The following PCDHGA3 variants were observed in gnomAD, a reference collection of about 807,000 sequenced individuals.
The protein encoded by PCDHGA3 is protocadherin gamma-A3.
A neutral mutation model predicts 58.5 loss-of-function variants in PCDHGA3; 40 were observed. That is an observed-to-expected ratio of 0.68 (90% CI 0.53 to 0.89). The LOEUF is 0.89. Ranked by LOEUF, PCDHGA3 falls within the 40% of genes least tolerant of loss-of-function variation. The probability of loss-of-function intolerance (pLI) is 0.00; values close to 1 mark genes in which losing one functional copy is unlikely to be tolerated. For synonymous variants in PCDHGA3, 530 were observed against 525.7 expected (o/e 1.01, Z -0.11); for missense variants, 1,223 against 1,195.9 (o/e 1.02, Z -0.33).
chr5:141,495,818 GTTC>G (rs2099764072), intron 2 of PCDHGA3, among the ~76,000 whole-genome samples: 1 of 151,904 alleles, frequency 6.6e-6, no homozygotes, highest in South Asian at 2.1e-4. Context: ...AGCGCCTTGT[GTTC>G]TTCTATCCCC....
At chr5:141,395,138 C>G (rs147992300) in intron 1 of PCDHGA3, 3 of 1,614,204 alleles carry the variant, frequency 1.9e-6, no homozygotes, top group Non-Finnish European at 2.5e-6. Context: ...AGCCCAACTA[C>G]GCAGACATGC....
chr5:141,431,505 C>T lies in PCDHGA3; in HGVS notation c.2425-63302C>T. 1.2e-6 allele frequency: 2 copies of T among 1,614,018 alleles called. No individual in the cohort carries two copies. The highest frequency in any genetic ancestry group is 1.7e-6 in the Non-Finnish European group (2 of 1,180,028). On this transcript the variant is annotated intron_variant, in intron 1 of 3. Coordinates refer to ENST00000253812, the MANE Select transcript of PCDHGA3 (RefSeq NM_018916.4). This position sits in a 1 kb window ranked among gnomAD's most constrained non-coding sequence, Gnocchi z 4.8. ...GCGTTTGCTCAGCCCGAGTACCGCG[C>T]GAGCGTTCCGGAGAATCTGGCCTTG...
chr5:141,351,052 A>G, intron 1 of PCDHGA3: 2 of 1,614,094 alleles, frequency 1.2e-6, no homozygotes, highest in Non-Finnish European at 1.7e-6. Flanking sequence ...TGATGGCCAC[A>G]GACCAGGATG....
intron 1 of PCDHGA3, chr5:141,404,337 C>CG (rs1376523964): frequency 1.9e-6 from 3 of 1,613,784 alleles, no homozygotes; most frequent in Non-Finnish European, 2.5e-6. Context: ...GTCTACCTCC[C>CG]GGAAAACAAC....
intron 1 of PCDHGA3, chr5:141,408,182 C>G: frequency 6.5e-7 from 1 of 1,537,898 alleles, no homozygotes; most frequent in Non-Finnish European, 8.8e-7. Flanking sequence ...AGCGGGGACC[C>G]AGCGAGAACC....
In PCDHGA3 at chr5:141,366,140, C is replaced by T. The variant is rs564608784; in HGVS notation, c.2424+19683C>T. 1.8e-5 allele frequency: 29 copies of T among 1,614,182 alleles called. No homozygotes were observed. The East Asian group carries it at 5.6e-4, about 31-fold the overall frequency. ...CAAAGATTCAGGCCAGAACGCCTGG[C>T]TGTCCTACCGCCTGCTTAAGGCCAG... On this transcript the variant is annotated intron_variant, in intron 1 of 3. Coordinates refer to ENST00000253812, the MANE Select transcript of PCDHGA3 (RefSeq NM_018916.4).
At chr5:141,362,603 C>T (rs749234036) in intron 1 of PCDHGA3, 1 of 1,572,606 alleles carries the variant, frequency 6.4e-7, no homozygotes, top group South Asian at 1.2e-5. Flanking sequence ...ATTGTTTCAC[C>T]TAATTTGGGT....
At chr5:141,453,321 T>TG (rs2098762672) in intron 1 of PCDHGA3, among the ~76,000 whole-genome samples, 2 of 151,876 alleles carry the variant, frequency 1.3e-5, no homozygotes, top group Admixed American at 6.6e-5. Context: ...ATTTTAGAGA[T>TG]GGGGTCTCAC....
At chr5:141,450,460 TTATA>T (rs1234300844) in intron 1 of PCDHGA3, among the ~76,000 whole-genome samples, 1 of 152,104 alleles carries the variant, frequency 6.6e-6, no homozygotes, top group Non-Finnish European at 1.5e-5. Flanking sequence ...CCTCGTGATT[TTATA>T]TATAGAGTTT....
chr5:141,410,342 C>T (rs772070270), intron 1 of PCDHGA3: 12 of 1,613,946 alleles, frequency 7.4e-6, no homozygotes, highest in Non-Finnish European at 9.3e-6. Flanking sequence ...CATTGCCTTG[C>T]GCCTGCGACG....
rs1271891195 is a variant in PCDHGA3, at chr5:141,477,108, C to A, written c.2425-17699C>A. The A allele has an allele frequency of 2.5e-6, 4 of 1,614,232 alleles. No individual in the cohort carries two copies. Among genetic ancestry groups the A allele is most frequent in the Non-Finnish European group, 2.5e-6 (3 of 1,180,046 alleles). ...CAGGCCAAAGACAAGGGCGCCAATCCCGAAGGAGCACATTGCAAAGTGTTG... is the reference window on the plus strand; with the variant it reads ...CAGGCCAAAGACAAGGGCGCCAATCACGAAGGAGCACATTGCAAAGTGTTG... On this transcript the variant is annotated intron_variant, in intron 1 of 3. Coordinates refer to ENST00000253812, the MANE Select transcript of PCDHGA3 (RefSeq NM_018916.4). The surrounding 1 kb of genome is among the most constrained non-coding windows in gnomAD (Gnocchi z 4.9).
intron 1 of PCDHGA3, among the ~76,000 whole-genome samples, chr5:141,347,284 G>A (rs573152867): frequency 6.6e-6 from 1 of 151,940 alleles, no homozygotes; most frequent in Admixed American, 6.6e-5. Flanking sequence ...CTCCCGAGTA[G>A]CTGGGACTAC....
intron 3 of PCDHGA3, among the ~76,000 whole-genome samples, chr5:141,510,378 C>A (rs919650449): frequency 6.6e-6 from 1 of 151,786 alleles, no homozygotes; most frequent in East Asian, 2.0e-4. Flanking sequence ...TCTACTCGTG[C>A]CAGGCCTTGC....
intron 1 of PCDHGA3, chr5:141,422,001 C>T (rs2096616874): frequency 6.2e-7 from 1 of 1,609,114 alleles, no homozygotes; most frequent in Non-Finnish European, 8.5e-7. Context: ...ACATCAGCTC[C>T]GGAACTCGGG....
rs2099404773 is a variant in PCDHGA3 at position 141,477,081 on chromosome 5, T to C, written c.2425-17726T>C. ...GACACCAAACTCCATGAGATTTACA[T>C]CCAGGCCAAAGACAAGGGCGCCAAT... On this transcript the variant is annotated intron_variant, in intron 1 of 3. Transcript: ENST00000253812. The surrounding 1 kb of genome is among the most constrained non-coding windows in gnomAD (Gnocchi z 4.9). 6.2e-7 allele frequency: 1 copy of C among 1,614,104 alleles called. No individual in the cohort carries two copies. Among genetic ancestry groups the C allele is most frequent in the Non-Finnish European group, 8.5e-7 (1 of 1,180,052 alleles).
intron 1 of PCDHGA3, chr5:141,418,857 T>G (rs1378155402): frequency 6.2e-7 from 1 of 1,613,988 alleles, no homozygotes; most frequent in South Asian, 1.1e-5. Context: ...CGGTGTAAAG[T>G]AATTGTAGAA....
rs1349908482 is a variant in PCDHGA3 at position 141,352,111 on chromosome 5, G to A, written c.2424+5654G>A. ...AGCCCGGGCTCTTCAGCCTGGGGTT[G>A]CGCACGGGTGAGGTGCGCACAGCGC... On this transcript the variant is annotated intron_variant, in intron 1 of 3. Transcript: ENST00000253812. 10 of 1,607,660 alleles carry A rather than the reference G, an allele frequency of 6.2e-6. 1 individual carries two copies. The highest frequency in any genetic ancestry group is 8.5e-6 in the Non-Finnish European group (10 of 1,177,870).
rs1223359970 is a variant in PCDHGA3, at chr5:141,345,555, AACTCCAAC to A, written c.1526_1533del (p.Ser509TrpfsTer15). ...GCCCCTGTCCTCCTTCGTCTCTATC[AACTCCAAC>A]ACTGGCGTCCTATACGCGCTGAGAT... On this transcript the variant is annotated frameshift_variant, in exon 1 of 4. Transcript: ENST00000253812. LOFTEE classifies it high-confidence loss of function. 3.1e-6 allele frequency: 5 copies of A among 1,614,026 alleles called. No homozygotes were observed. The highest frequency in any genetic ancestry group is 4.2e-6 in the Non-Finnish European group (5 of 1,180,028).
chr5:141,415,197 A>G, intron 1 of PCDHGA3: 1 of 1,614,016 alleles, frequency 6.2e-7, no homozygotes, highest in African/African-American at 1.3e-5. Context: ...GCATCCCCCA[A>G]GTCCTGGCGG....
Sources: allele counts gnomAD v4.1 joint callset (sites outside exome capture counted in the v4.1 genomes callset), GRCh38; gene constraint gnomAD v4.1.1; non-coding constraint Gnocchi (gnomAD v3.1); transcripts MANE v1.5; gene names NCBI Gene and HGNC (gene_info 2026-07-23, HGNC 2026-07-21).